Variants in RUNX1 observed in about 807,000 individuals in gnomAD.
RUNX1 encodes the protein runt-related transcription factor 1.
A neutral mutation model predicts 42.8 loss-of-function variants in RUNX1; 19 were observed. The observed-to-expected ratio is 0.44, with a 90% confidence interval of 0.31 to 0.65. The LOEUF (loss-of-function observed/expected upper bound fraction) is 0.65, where lower values mean the gene tolerates loss of function less well. Among genes scored for constraint, RUNX1 ranks in the 30% least tolerant of loss-of-function variants. The probability of loss-of-function intolerance (pLI) is 0.07; values close to 1 mark genes in which losing one functional copy is unlikely to be tolerated. For synonymous variants in RUNX1, 271 were observed against 289.4 expected, an observed-to-expected ratio of 0.94 and a Z score of 0.64; for missense variants, 528 against 672.0, an observed-to-expected ratio of 0.79 and a Z score of 2.37.
At chr21:35,011,566 T>C (rs2059126882) in intron 2 of RUNX1, among the ~76,000 whole-genome samples, 1 of 152,120 alleles carries the variant, frequency 6.6e-6, no homozygotes, top group African/African-American at 2.4e-5. Context: ...GGGTAAGCAA[T>C]AAATCTACAT....
At chr21:34,834,206 T>C in intron 7 of RUNX1, 3 of 703,834 alleles carry the variant, frequency 4.3e-6, no homozygotes, top group Non-Finnish European at 7.8e-6. Flanking sequence ...ACAATGCAGA[T>C]CTGACTCGGT....
intron 6 of RUNX1, among the ~76,000 whole-genome samples, chr21:34,848,138 C>T (rs1038129238): frequency 2.0e-5 from 3 of 152,214 alleles, no homozygotes; most frequent in African/African-American, 7.2e-5. Flanking sequence ...ATTCAATCCG[C>T]ACAATAATCC....
chr21:34,913,972 A>G (rs1401455555), intron 2 of RUNX1, among the ~76,000 whole-genome samples: 1 of 152,166 alleles, frequency 6.6e-6, no homozygotes, highest in Non-Finnish European at 1.5e-5. Context: ...CAGTGTGTGT[A>G]GCTGCTCAGA....
intron 6 of RUNX1, among the ~76,000 whole-genome samples, chr21:34,857,167 T>G (rs1321082396): frequency 6.6e-6 from 1 of 152,190 alleles, no homozygotes; most frequent in African/African-American, 2.4e-5. Flanking sequence ...ATTTAGTTTT[T>G]CCCCAGGCCC....
chr21:34,973,844 C>T (rs150747183), intron 2 of RUNX1, among the ~76,000 whole-genome samples: 264 of 152,298 alleles, frequency 1.7e-3, no homozygotes, highest in Middle Eastern at 0.01. Context: ...TACAAGTCTC[C>T]AGGGAGAAAT....
chr21:34,941,566 G>A (rs2058526775), intron 2 of RUNX1, among the ~76,000 whole-genome samples: 2 of 152,144 alleles, frequency 1.3e-5, no homozygotes, highest in East Asian at 1.9e-4. Context: ...TCTACCAATC[G>A]GTCTTTCAAA....
chr21:34,961,092 A>G (rs1364200384), intron 2 of RUNX1, among the ~76,000 whole-genome samples: 1 of 152,184 alleles, frequency 6.6e-6, no homozygotes, highest in African/African-American at 2.4e-5. Flanking sequence ...AAGGACATTC[A>G]TGGCTGGGCG....
chr21:34,982,645 T>C (rs2058856104), intron 2 of RUNX1, among the ~76,000 whole-genome samples: 1 of 152,182 alleles, frequency 6.6e-6, no homozygotes, highest in South Asian at 2.1e-4. Context: ...TCTTGGCTTA[T>C]TGCAATCTCC....
chr21:34,895,450 A>C (rs2058122601), intron 2 of RUNX1, among the ~76,000 whole-genome samples: 1 of 152,104 alleles, frequency 6.6e-6, no homozygotes, highest in Non-Finnish European at 1.5e-5. Flanking sequence ...GTGGGAGGGA[A>C]TATAAGAGGA....
chr21:34,802,901 A>G (rs2056628162), intron 7 of RUNX1, among the ~76,000 whole-genome samples: 1 of 152,226 alleles, frequency 6.6e-6, no homozygotes, highest in Admixed American at 6.5e-5. Context: ...TAATAGGAGT[A>G]AGTGAGATAA....
intron 7 of RUNX1, among the ~76,000 whole-genome samples, chr21:34,805,189 AAAAGAT>A (rs954546106): frequency 3.3e-5 from 5 of 152,228 alleles, no homozygotes; most frequent in African/African-American, 9.6e-5. Context: ...TTACCAAACA[AAAAGAT>A]AAAGAGGAAA....
intron 2 of RUNX1, among the ~76,000 whole-genome samples, chr21:35,000,074 A>T (rs895544774): frequency 6.6e-6 from 1 of 152,154 alleles, no homozygotes; most frequent in Non-Finnish European, 1.5e-5. Context: ...CCAAAGTTAG[A>T]ACTATGGATA....
chr21:34,893,101 G>A, intron 2 of RUNX1, 138 bp from the exon 3 acceptor site: 4 of 657,582 alleles, frequency 6.1e-6, no homozygotes, highest in Non-Finnish European at 1.1e-5. Context: ...ACACAAAAAT[G>A]ACTTGAAATA....
intron 2 of RUNX1, among the ~76,000 whole-genome samples, chr21:34,961,255 T>C (rs1158082173): frequency 6.6e-6 from 1 of 152,030 alleles, no homozygotes; most frequent in Non-Finnish European, 1.5e-5. Flanking sequence ...ATGCCTGTAG[T>C]CCCAGCTACT....
intron 1 of RUNX1, 32 bp downstream of exon 1, chr21:35,049,136 C>T (rs773955155): frequency 5.1e-5 from 26 of 510,024 alleles, no homozygotes; most frequent in African/African-American, 1.2e-4. Flanking sequence ...AAAAAGCCAG[C>T]GCCGCCTTGG....
intron 5 of RUNX1, among the ~76,000 whole-genome samples, chr21:34,872,505 T>G (rs375431465): frequency 6.6e-6 from 1 of 152,352 alleles, no homozygotes; most frequent in East Asian, 1.9e-4. Context: ...AAAAAAACTT[T>G]TAATATTCAG....
intron 2 of RUNX1, among the ~76,000 whole-genome samples, chr21:34,959,357 C>T (rs1436479312): frequency 6.6e-6 from 1 of 152,120 alleles, no homozygotes; most frequent in Non-Finnish European, 1.5e-5. Context: ...GCTCTCTGTC[C>T]CTCAGTTCCT....
intron 2 of RUNX1, among the ~76,000 whole-genome samples, chr21:34,957,016 C>A (rs2058649212): frequency 6.6e-6 from 1 of 152,166 alleles, no homozygotes; most frequent in Admixed American, 6.5e-5. Flanking sequence ...AGGACAGGCA[C>A]CCACATTGTT....
chr21:34,928,330 C>T (rs1055087308), intron 2 of RUNX1, among the ~76,000 whole-genome samples: 4 of 152,096 alleles, frequency 2.6e-5, no homozygotes, highest in African/African-American at 9.7e-5. Flanking sequence ...AATGGCCATA[C>T]TACCAAAAAG....
Sources: allele counts gnomAD v4.1 joint callset (sites outside exome capture counted in the v4.1 genomes callset), GRCh38; gene constraint gnomAD v4.1.1; transcripts MANE v1.5; gene names NCBI Gene and HGNC (gene_info 2026-07-23, HGNC 2026-07-21).